CHN2: variants seen among roughly 807,000 people sequenced by gnomAD.
CHN2 encodes the protein chimerin 2, also known as beta-chimaerin.
A neutral mutation model predicts 56.3 loss-of-function variants in CHN2; 35 were observed. The observed-to-expected ratio is 0.62, with a 90% CI of 0.47 to 0.82. The LOEUF (loss-of-function observed/expected upper bound fraction) is 0.82, where lower values mean the gene tolerates loss of function less well. Ranked by LOEUF, CHN2 falls within the 40% of genes least tolerant of loss-of-function variation. CHN2 has a pLI of 0.00. For synonymous variants in CHN2, 210 were observed against 212.8 expected (o/e 0.99, Z 0.12); for missense variants, 491 against 580.5 (o/e 0.85, Z 1.58).
At chr7:29,481,252 A>G (rs1227591096) in intron 7 of CHN2, among the ~76,000 whole-genome samples, 1 of 152,230 alleles carries the variant, frequency 6.6e-6, no homozygotes, top group Non-Finnish European at 1.5e-5. Context: ...AGAAAACAAT[A>G]GGCAGGAGAA....
At chr7:29,306,296 C>G (rs528741019) in intron 1 of CHN2, among the ~76,000 whole-genome samples, 1 of 152,164 alleles carries the variant, frequency 6.6e-6, no homozygotes. Context: ...AGATTAAAAA[C>G]TGCAGTCAAG....
intron 6 of CHN2, among the ~76,000 whole-genome samples, chr7:29,424,068 A>G (rs1804605319): frequency 6.6e-6 from 1 of 152,202 alleles, no homozygotes; most frequent in Non-Finnish European, 1.5e-5. Context: ...CGGAAAACCC[A>G]CTATAGTAGA....
intron 2 of CHN2, among the ~76,000 whole-genome samples, chr7:29,169,084 A>G (rs925549906): frequency 2.3e-4 from 35 of 151,420 alleles, no homozygotes; most frequent in Admixed American, 1.7e-3. Context: ...TAAGAAATTT[A>G]TCTCCCATAG....
At chr7:29,373,952 G>A (rs536521988) in intron 3 of CHN2, among the ~76,000 whole-genome samples, 24 of 152,178 alleles carry the variant, frequency 1.6e-4, no homozygotes, top group African/African-American at 1.2e-4. Flanking sequence ...TTGGGGGAAC[G>A]TGAAAACTCT....
chr7:29,355,803 A>C (rs1294247342), intron 2 of CHN2, among the ~76,000 whole-genome samples: 1 of 33,426 alleles, frequency 3.0e-5, no homozygotes, highest in Non-Finnish European at 5.6e-5. Flanking sequence ...TTTTTTTTTG[A>C]GACAGGGTCT....
chr7:29,445,671 A>G (rs1286909825), intron 6 of CHN2, among the ~76,000 whole-genome samples: 1 of 151,820 alleles, frequency 6.6e-6, no homozygotes, highest in African/African-American at 2.4e-5. Context: ...TAATCAACTC[A>G]GGTTTGCTTT....
intron 1 of CHN2, among the ~76,000 whole-genome samples, chr7:29,294,035 T>G (rs559043511): frequency 6.6e-6 from 1 of 151,938 alleles, no homozygotes; most frequent in African/African-American, 2.4e-5. Flanking sequence ...CCCAGCTAAT[T>G]TTTTGTGTTT....
intron 2 of CHN2, among the ~76,000 whole-genome samples, chr7:29,175,333 CCTGA>C (rs1299913575): frequency 6.6e-6 from 1 of 152,036 alleles, no homozygotes; most frequent in Non-Finnish European, 1.5e-5. Flanking sequence ...TGCCACCACG[CCTGA>C]CTAATTTTTT....
intron 6 of CHN2, among the ~76,000 whole-genome samples, chr7:29,475,295 C>T (rs1006870242): frequency 1.3e-5 from 2 of 152,226 alleles, no homozygotes; most frequent in Non-Finnish European, 1.5e-5. Flanking sequence ...GCCCCACCTA[C>T]TTCCAGAAGT....
intron 1 of CHN2, among the ~76,000 whole-genome samples, chr7:29,209,369 C>A (rs2128777845): frequency 6.6e-6 from 1 of 152,234 alleles, no homozygotes; most frequent in African/African-American, 2.4e-5. Flanking sequence ...TAGTTGAGAG[C>A]CAAGCAATTA....
intron 5 of CHN2, 122 bp from the exon 6 acceptor site, chr7:29,400,421 C>A: frequency 1.1e-6 from 1 of 948,302 alleles, no homozygotes; most frequent in Non-Finnish European, 1.6e-6. Context: ...AAAATCACAT[C>A]AAGTGCTTAG....
intron 1 of CHN2, among the ~76,000 whole-genome samples, chr7:29,297,959 G>A (rs1215437541): frequency 1.3e-5 from 2 of 152,182 alleles, no homozygotes; most frequent in Non-Finnish European, 2.9e-5. Flanking sequence ...GAGAGCAGGA[G>A]TCCCTAGTTC....
intron 6 of CHN2, among the ~76,000 whole-genome samples, chr7:29,419,680 A>G (rs1426422270): frequency 6.6e-6 from 1 of 152,238 alleles, no homozygotes; most frequent in Non-Finnish European, 1.5e-5. Context: ...AAATGGGCAA[A>G]GGACTTGACA....
intron 1 of CHN2, among the ~76,000 whole-genome samples, chr7:29,354,210 C>T (rs1357126822): frequency 1.3e-5 from 2 of 152,156 alleles, no homozygotes; most frequent in Non-Finnish European, 2.9e-5. Context: ...ACATACTTGC[C>T]GCTTTGCGTC....
intron 3 of CHN2, among the ~76,000 whole-genome samples, chr7:29,388,154 A>C (rs952957908): frequency 1.4e-4 from 22 of 152,192 alleles, no homozygotes; most frequent in African/African-American, 5.1e-4. Flanking sequence ...GCTGCGCTAT[A>C]CATTTTTTAG....
At chr7:29,445,032 A>T (rs1199455565) in intron 6 of CHN2, 1 of 434,512 alleles carries the variant, frequency 2.3e-6, no homozygotes, top group Non-Finnish European at 4.6e-6. Context: ...AGATAGAGAC[A>T]GAGGCTACGC....
intron 6 of CHN2, among the ~76,000 whole-genome samples, chr7:29,466,346 T>C (rs904583348): frequency 1.3e-5 from 2 of 152,234 alleles, no homozygotes; most frequent in African/African-American, 4.8e-5. Flanking sequence ...GGAGCGAATC[T>C]ATGTTATATG....
At chr7:29,216,426 C>T (rs1488749825) in intron 1 of CHN2, among the ~76,000 whole-genome samples, 2 of 152,210 alleles carry the variant, frequency 1.3e-5, no homozygotes, top group Non-Finnish European at 2.9e-5. Context: ...TTTTGAAACC[C>T]ACTGGCCATA....
At chr7:29,301,420 A>G (rs962122256) in intron 1 of CHN2, among the ~76,000 whole-genome samples, 3 of 151,576 alleles carry the variant, frequency 2.0e-5, no homozygotes, top group Admixed American at 1.3e-4. Flanking sequence ...ATCTAAGTGC[A>G]GCACCAGGTA....
Sources: allele counts gnomAD v4.1 joint callset (sites outside exome capture counted in the v4.1 genomes callset), GRCh38; gene constraint gnomAD v4.1.1; transcripts MANE v1.5; gene names NCBI Gene and HGNC (gene_info 2026-07-23, HGNC 2026-07-21).